Variants in GRB10 observed in about 807,000 individuals in gnomAD.
The protein encoded by GRB10 is growth factor receptor-bound protein 10.
GRB10 carries 20 observed loss-of-function variants against 80.9 expected under a neutral mutation model. The observed-to-expected ratio is 0.25, with a 90% CI of 0.17 to 0.36. GRB10 has a LOEUF of 0.36. Among genes scored for constraint, GRB10 ranks in the 10% least tolerant of loss-of-function variants. The pLI is 1.00. For synonymous variants in GRB10, 291 were observed against 291.5 expected, an observed-to-expected ratio of 1.00 and a Z score of 0.02; for missense variants, 548 against 747.7, an observed-to-expected ratio of 0.73 and a Z score of 3.12.
At chr7:50,602,756 G>C (rs1195403275) in intron 17 of GRB10, among the ~76,000 whole-genome samples, 1 of 152,202 alleles carries the variant, frequency 6.6e-6, no homozygotes, top group Non-Finnish European at 1.5e-5. Flanking sequence ...GCTTTTAGAT[G>C]ATAGTAAGAA....
At chr7:50,644,456 C>T (rs1321774246) in intron 7 of GRB10, among the ~76,000 whole-genome samples, 1 of 152,170 alleles carries the variant, frequency 6.6e-6, no homozygotes, top group Non-Finnish European at 1.5e-5. Flanking sequence ...CCAAAAGCAG[C>T]CCCCCAGCAA....
intron 7 of GRB10, among the ~76,000 whole-genome samples, chr7:50,653,538 C>T (rs775424563): frequency 6.6e-5 from 10 of 152,312 alleles, no homozygotes; most frequent in Middle Eastern, 3.4e-3. Flanking sequence ...TGTGTACACA[C>T]GTGCAGCTTA....
intron 9 of GRB10, 74 bp from the exon 10 acceptor site, chr7:50,618,213 T>C: frequency 8.8e-7 from 1 of 1,132,846 alleles, no homozygotes; most frequent in Non-Finnish European, 1.3e-6. Context: ...TATAGATATG[T>C]CAATTTTAAA....
intron 1 of GRB10, among the ~76,000 whole-genome samples, chr7:50,789,710 T>C (rs1044344756): frequency 2.0e-5 from 3 of 152,096 alleles, no homozygotes; most frequent in Non-Finnish European, 4.4e-5. Flanking sequence ...CAGAAATCCA[T>C]ATGTAAAGTA....
At chr7:50,705,170 C>T (rs1005279409) in intron 4 of GRB10, 5 of 985,642 alleles carry the variant, frequency 5.1e-6, no homozygotes, top group African/African-American at 1.7e-5. Context: ...GTCTGGTCAA[C>T]GCTGTGCTTC....
chr7:50,782,857 G>C lies in GRB10; in HGVS notation c.-760C>G, dbSNP rs2078456123. ...GGGCGCTCCTGAGGAGCGGGAGGACGACGGAGCAGCGCCCGGTCCTGGAGC... is the reference window on the plus strand; with the variant it reads ...GGGCGCTCCTGAGGAGCGGGAGGACCACGGAGCAGCGCCCGGTCCTGGAGC... On this transcript the variant is annotated 5_prime_UTR_variant, in exon 1 of 19. Transcript: ENST00000401949. The surrounding 1 kb of genome is among the most constrained non-coding windows in gnomAD (Gnocchi z 6.6). 1 of 152,142 alleles carries C rather than the reference G, an allele frequency of 6.6e-6. No individual in the cohort carries two copies. Among genetic ancestry groups the C allele is most frequent in the South Asian group, 2.1e-4 (1 of 4,836 alleles). The allele number at this position is 152,142 out of a possible 1,614,324, so 9.4% of individuals were successfully genotyped here.
At chr7:50,654,916 A>G (rs2058468816) in intron 7 of GRB10, among the ~76,000 whole-genome samples, 1 of 152,156 alleles carries the variant, frequency 6.6e-6, no homozygotes, top group Non-Finnish European at 1.5e-5. Flanking sequence ...TAATTTACAG[A>G]CCTCATCCAA....
chr7:50,792,066 C>G (rs1331654591), intron 1 of GRB10, among the ~76,000 whole-genome samples: 1 of 152,174 alleles, frequency 6.6e-6, no homozygotes, highest in East Asian at 1.9e-4. Flanking sequence ...CTTGGTAAAA[C>G]TGCTTGAAAC....
chr7:50,778,136 C>G (rs867541058), intron 2 of GRB10, among the ~76,000 whole-genome samples: 1 of 152,284 alleles, frequency 6.6e-6, no homozygotes, highest in South Asian at 2.1e-4. Flanking sequence ...AACTCCACCC[C>G]GACCCCCCAA....
intron 7 of GRB10, among the ~76,000 whole-genome samples, chr7:50,645,903 A>G (rs1017669241): frequency 6.6e-6 from 1 of 152,228 alleles, no homozygotes; most frequent in Non-Finnish European, 1.5e-5. Context: ...GCCAGTGGCC[A>G]GCCCCCAAGT....
Position 50,591,985 on chromosome 7 carries a change from T to C in GRB10, c.*967A>G, listed in dbSNP as rs987420333. ...ACTCACACCACTGCAGCAGCAGGGG[T>C]AAGGCAGTGATCGTTCTAGAACAGG... On this transcript the variant is annotated 3_prime_UTR_variant, in exon 19 of 19. Coordinates refer to ENST00000401949, the MANE Select transcript of GRB10 (RefSeq NM_001350814.2). The C allele has an allele frequency of 6.6e-6, 1 of 152,084 alleles. No individual in the cohort carries two copies. Among genetic ancestry groups the C allele is most frequent in the Non-Finnish European group, 1.5e-5 (1 of 68,020 alleles). 9.4% of individuals were successfully genotyped at this position (152,084 alleles called of 1,614,324 possible).
intron 7 of GRB10, among the ~76,000 whole-genome samples, chr7:50,649,201 T>C (rs1378043095): frequency 1.3e-5 from 2 of 152,046 alleles, no homozygotes; most frequent in South Asian, 2.1e-4. Context: ...GACGTTCTAG[T>C]GGTAAAACAG....
At chr7:50,750,637 C>A (rs536974869) in intron 3 of GRB10, among the ~76,000 whole-genome samples, 43 of 152,290 alleles carry the variant, frequency 2.8e-4, no homozygotes, top group African/African-American at 8.9e-4. Flanking sequence ...ATGAGTATCA[C>A]GCTTAGGTTT....
At chr7:50,777,731 A>G (rs1350414234) in intron 2 of GRB10, among the ~76,000 whole-genome samples, 1 of 152,220 alleles carries the variant, frequency 6.6e-6, no homozygotes, top group African/African-American at 2.4e-5. Context: ...AATACTATGC[A>G]GCCACAAAAA....
At chr7:50,609,843 C>A (rs2049191967) in intron 13 of GRB10, among the ~76,000 whole-genome samples, 2 of 152,368 alleles carry the variant, frequency 1.3e-5, no homozygotes, top group South Asian at 4.1e-4. Context: ...AAAAGATTAT[C>A]TGCTGGCGCT....
At chr7:50,716,622 G>A (rs548248065) in intron 4 of GRB10, among the ~76,000 whole-genome samples, 2 of 152,258 alleles carry the variant, frequency 1.3e-5, no homozygotes, top group East Asian at 3.9e-4. Context: ...GGAGAGAAGT[G>A]GAAGATATAA....
At chr7:50,602,816 A>T (rs1037659793) in intron 17 of GRB10, among the ~76,000 whole-genome samples, 1 of 152,216 alleles carries the variant, frequency 6.6e-6, no homozygotes, top group Non-Finnish European at 1.5e-5. Flanking sequence ...ATATCAAAAC[A>T]AAAGGGTCCT....
At chr7:50,711,197 G>C (rs1204319368) in intron 4 of GRB10, among the ~76,000 whole-genome samples, 1 of 147,794 alleles carries the variant, frequency 6.8e-6, no homozygotes, top group Non-Finnish European at 1.5e-5. Context: ...AAAAGCAACA[G>C]ATGAGAACAG....
chr7:50,784,548 C>A (rs2078609510), upstream of GRB10, among the ~76,000 whole-genome samples: 1 of 152,208 alleles, frequency 6.6e-6, no homozygotes, highest in South Asian at 2.1e-4. Context: ...CTGCCACACT[C>A]CCCTCTATTA....
Sources: gnomAD v4.1 joint callset for allele counts (sites outside exome capture counted in the v4.1 genomes callset) on GRCh38, gnomAD v4.1.1 for gene constraint, Gnocchi (gnomAD v3.1) non-coding constraint, MANE v1.5 for transcripts, NCBI Gene and HGNC (gene_info 2026-07-23, HGNC 2026-07-21) for gene names.